Variants in SGMS1 observed in about 807,000 individuals in gnomAD.
SGMS1 encodes sphingomyelin synthase 1.
SGMS1 carries 13 observed loss-of-function variants against 46.2 expected under a neutral mutation model. The ratio of observed to expected loss-of-function variants is 0.28; its 90% CI spans 0.18 to 0.45. The LOEUF is 0.45. Ranked by LOEUF, SGMS1 falls within the 20% of genes least tolerant of loss-of-function variation. The pLI, the probability that SGMS1 is intolerant of heterozygous loss-of-function variation, is 1.00. For synonymous variants in SGMS1, 203 were observed against 187.8 expected (o/e 1.08, Z -0.66); for missense variants, 324 against 519.9 (o/e 0.62, Z 3.66).
chr10:50,430,470 CAAAAA>C, intron 6 of SGMS1, among the ~76,000 whole-genome samples: 1 of 136,270 alleles, frequency 7.3e-6, no homozygotes, highest in Middle Eastern at 3.9e-3. Context: ...TGGCAGAATA[CAAAAA>C]AAAAAAAAAG....
At chr10:50,556,087 C>A (rs1838186951) in intron 2 of SGMS1, among the ~76,000 whole-genome samples, 3 of 152,182 alleles carry the variant, frequency 2.0e-5, no homozygotes, top group Admixed American at 2.0e-4. Flanking sequence ...ACTTCTCCAA[C>A]CCTTTGGTTT....
At chr10:50,340,453 G>A (rs945113689) in intron 7 of SGMS1, 2 of 152,188 alleles carry the variant, frequency 1.3e-5, no homozygotes, top group African/African-American at 4.8e-5. Flanking sequence ...TCAGTGGCTT[G>A]AAAGTCCAAT....
chr10:50,618,007 C>T (rs1256595761), intron 1 of SGMS1, among the ~76,000 whole-genome samples: 1 of 151,932 alleles, frequency 6.6e-6, no homozygotes, highest in Non-Finnish European at 1.5e-5. Flanking sequence ...CATTGAGCCA[C>T]CACGCTCAGC....
At chr10:50,593,044 A>G (rs1275656453) in intron 1 of SGMS1, among the ~76,000 whole-genome samples, 1 of 152,196 alleles carries the variant, frequency 6.6e-6, no homozygotes, top group African/African-American at 2.4e-5. Flanking sequence ...GCAAAAGTCC[A>G]AAGACTCCAC....
intron 1 of SGMS1, among the ~76,000 whole-genome samples, chr10:50,609,689 C>A (rs376470393): frequency 2.3e-4 from 35 of 151,944 alleles, no homozygotes; most frequent in African/African-American, 7.7e-4. Flanking sequence ...ATTACATTTC[C>A]AACTTTTCAC....
chr10:50,351,707 A>G (rs1331495548), intron 6 of SGMS1, among the ~76,000 whole-genome samples: 1 of 152,172 alleles, frequency 6.6e-6, no homozygotes, highest in Non-Finnish European at 1.5e-5. Flanking sequence ...GCCTCCTGCC[A>G]TGATTCTGAG....
intron 5 of SGMS1, among the ~76,000 whole-genome samples, chr10:50,458,172 G>A (rs1407255511): frequency 6.6e-6 from 1 of 152,140 alleles, no homozygotes; most frequent in Non-Finnish European, 1.5e-5. Flanking sequence ...TTATTTAGCT[G>A]TTTAGGACGG....
At chr10:50,444,028 G>T (rs1456577850) in intron 5 of SGMS1, among the ~76,000 whole-genome samples, 1 of 151,958 alleles carries the variant, frequency 6.6e-6, no homozygotes, top group African/African-American at 2.4e-5. Context: ...AAATGTAAAT[G>T]TTATACTAAA....
In SGMS1 at chr10:50,422,271, T is replaced by C. The variant is rs369579697; in HGVS notation, c.-232+11205A>G. Among the ~76,000 whole-genome samples, 18 of 152,254 alleles carry C rather than the reference T, an allele frequency of 1.2e-4. No individual in the cohort carries two copies. The East Asian group carries it at 2.7e-3, about 23-fold the overall frequency. On this transcript the variant is annotated intron_variant, in intron 6 of 10. Coordinates refer to ENST00000361781, the MANE Select transcript of SGMS1 (RefSeq NM_147156.4). ...GCAGATTCTGCATAAATAGTCATTG[T>C]TGTGAATATAATGATGCTTAAGTTA...
intron 2 of SGMS1, among the ~76,000 whole-genome samples, chr10:50,578,864 T>A (rs11006194): frequency 6.6e-6 from 1 of 152,152 alleles, no homozygotes; most frequent in Admixed American, 6.5e-5. Flanking sequence ...ATGTTAAGCT[T>A]TTTAAAGCTG....
intron 2 of SGMS1, among the ~76,000 whole-genome samples, chr10:50,542,670 T>C (rs7907260): frequency 0.2 from 29,918 of 148,172 alleles, 3,944 homozygotes; most frequent in East Asian, 0.64. Flanking sequence ...TATACAGAAA[T>C]GCACTTATAG....
At chr10:50,429,375 C>T (rs1474137365) in intron 6 of SGMS1, among the ~76,000 whole-genome samples, 3 of 152,164 alleles carry the variant, frequency 2.0e-5, no homozygotes, top group South Asian at 4.1e-4. Context: ...CTAGGAGCCA[C>T]AGCCTATACC....
intron 7 of SGMS1, among the ~76,000 whole-genome samples, chr10:50,331,710 G>C (rs1847626206): frequency 6.6e-6 from 1 of 152,144 alleles, no homozygotes; most frequent in African/African-American, 2.4e-5. Context: ...GAATGTTTGT[G>C]TCTCCTTCCC....
At chr10:50,588,721 ATTTT>A (rs71029314) in intron 2 of SGMS1, among the ~76,000 whole-genome samples, 1 of 92,218 alleles carries the variant, frequency 1.1e-5, no homozygotes, top group Non-Finnish European at 2.1e-5. Context: ...GACTGATCTA[ATTTT>A]TTTTTTTTTT....
intron 5 of SGMS1, among the ~76,000 whole-genome samples, chr10:50,438,891 C>A (rs575556442): frequency 2.9e-4 from 44 of 152,310 alleles, no homozygotes; most frequent in African/African-American, 1.0e-3. Flanking sequence ...AAGGAAATAG[C>A]AATCGTATAA....
chr10:50,616,367 C>G (rs1838797486), intron 1 of SGMS1, among the ~76,000 whole-genome samples: 2 of 152,142 alleles, frequency 1.3e-5, no homozygotes, highest in South Asian at 4.1e-4. Context: ...AACTTCTGGG[C>G]TCAAGTGATC....
At chr10:50,529,909 TA>T (rs1300747716) in intron 2 of SGMS1, among the ~76,000 whole-genome samples, 1 of 152,162 alleles carries the variant, frequency 6.6e-6, no homozygotes, top group African/African-American at 2.4e-5. Context: ...ACTGCTTACA[TA>T]AAAAATCCCA....
upstream of SGMS1, chr10:50,625,110 A>G: frequency 1.0e-6 from 1 of 967,610 alleles, no homozygotes; most frequent in East Asian, 1.1e-4. Flanking sequence ...GGAGTCCTGT[A>G]CCGACCCCTG....
In SGMS1 at chr10:50,362,471, T is replaced by C. The variant is rs570339453; in HGVS notation, c.-231-18126A>G. Among the ~76,000 whole-genome samples the C allele has an allele frequency of 1.3e-4, 20 of 152,194 alleles. No homozygotes were observed. In the South Asian group the frequency reaches 2.5e-3, roughly 19 times the overall value. ...GATCCATGAAACTGACACACAATGATACAGAGTCCAGATTTATACTATCTG... is the reference window on the plus strand; with the variant it reads ...GATCCATGAAACTGACACACAATGACACAGAGTCCAGATTTATACTATCTG... On this transcript the variant is annotated intron_variant, in intron 6 of 10. Transcript: ENST00000361781.
Sources: allele counts gnomAD v4.1 joint callset (sites outside exome capture counted in the v4.1 genomes callset), GRCh38; gene constraint gnomAD v4.1.1; transcripts MANE v1.5; gene names NCBI Gene and HGNC (gene_info 2026-07-23, HGNC 2026-07-21).